Variants in ZHX2 observed in about 807,000 individuals in gnomAD.
ZHX2 encodes zinc fingers and homeoboxes 2.
ZHX2 carries 6 observed loss-of-function variants against 21.9 expected under a neutral mutation model. The observed-to-expected ratio is 0.27, with a 90% CI of 0.15 to 0.54. The LOEUF (loss-of-function observed/expected upper bound fraction) is 0.54, where lower values mean the gene tolerates loss of function less well. Ranked by LOEUF, ZHX2 falls within the 20% of genes least tolerant of loss-of-function variation. The pLI, the probability that ZHX2 is intolerant of heterozygous loss-of-function variation, is 0.95. For synonymous variants in ZHX2, 434 were observed against 437.1 expected (o/e 0.99, Z 0.09); for missense variants, 908 against 1,090.7 (o/e 0.83, Z 2.36).
intron 1 of ZHX2, among the ~76,000 whole-genome samples, chr8:122,855,612 C>T (rs547671840): frequency 2.0e-5 from 3 of 152,054 alleles, no homozygotes; most frequent in African/African-American, 7.2e-5. Flanking sequence ...AGAGTTTTTC[C>T]AGCTATGAGT....
chr8:122,899,712 C>T (rs1362194672), intron 2 of ZHX2, among the ~76,000 whole-genome samples: 1 of 152,186 alleles, frequency 6.6e-6, no homozygotes, highest in Non-Finnish European at 1.5e-5. Flanking sequence ...ATCTCACTTG[C>T]TGATCTCCTG....
intron 2 of ZHX2, among the ~76,000 whole-genome samples, chr8:122,906,561 G>A (rs1820350611): frequency 6.6e-6 from 1 of 151,868 alleles, no homozygotes; most frequent in African/African-American, 2.4e-5. Flanking sequence ...CATGGGAAAA[G>A]CTTATACATT....
intron 2 of ZHX2, among the ~76,000 whole-genome samples, chr8:122,915,253 G>A (rs1191915759): frequency 6.6e-6 from 1 of 152,150 alleles, no homozygotes; most frequent in Non-Finnish European, 1.5e-5. Context: ...TTTACCATGT[G>A]GATGCCTTCC....
In ZHX2 at chr8:122,926,162, A is replaced by T. The variant is rs1019350413; in HGVS notation, c.-219-25130A>T. ...CTCCCTGGAACTGTCCAATAGCTTTAAAAATATATATAAATGCCTGGGCCC... is the reference window on the plus strand; with the variant it reads ...CTCCCTGGAACTGTCCAATAGCTTTTAAAATATATATAAATGCCTGGGCCC... On this transcript the variant is annotated intron_variant, in intron 2 of 3. Transcript: ENST00000314393. 4.6e-5 allele frequency among the ~76,000 whole-genome samples: 7 copies of T among 152,330 alleles called. No homozygotes were observed. The East Asian group carries it at 1.3e-3, about 29-fold the overall frequency.
intron 1 of ZHX2, among the ~76,000 whole-genome samples, chr8:122,855,765 G>C (rs2130755273): frequency 6.6e-6 from 1 of 152,112 alleles, no homozygotes; most frequent in Admixed American, 6.5e-5. Context: ...TTTAATAAAG[G>C]GTTTGAAACA....
At chr8:122,936,831 C>T (rs1032738045) in intron 2 of ZHX2, among the ~76,000 whole-genome samples, 4 of 152,148 alleles carry the variant, frequency 2.6e-5, no homozygotes, top group Non-Finnish European at 4.4e-5. Flanking sequence ...TATCCAGTGC[C>T]CTCAGCAACT....
At chr8:122,813,483 A>G in intron 1 of ZHX2, among the ~76,000 whole-genome samples, 1 of 152,204 alleles carries the variant, frequency 6.6e-6, no homozygotes, top group Non-Finnish European at 1.5e-5. Flanking sequence ...CTCCCATGAA[A>G]GAAGTCGCCA....
Position 122,953,911 on chromosome 8 carries a change from G to A in ZHX2, c.2401G>A (p.Glu801Lys). 1 of 1,614,220 alleles carries A rather than the reference G, an allele frequency of 6.2e-7. No homozygotes were observed. The highest frequency in any genetic ancestry group is 8.5e-7 in the Non-Finnish European group (1 of 1,180,038). Residue 801 changes from glutamate (E) to lysine (K), a missense_variant, in exon 3 of 4, where the codon GAG becomes AAG. By Grantham distance (56) the Glu-to-Lys change is moderately conservative (BLOSUM62 1). Transcript: ENST00000314393. This position sits in a 1 kb window ranked among gnomAD's most constrained non-coding sequence, Gnocchi z 4.6. ...TTACGTGGAGGTGACGGTCGGGGAG[G>A]AGGATGCGATCTCAGATAGATCAGA... ...VDYVEVTVGE[E>K]DAISDRSDSW...
chr8:122,871,671 G>GTATATA lies in ZHX2; in HGVS notation c.-220+8145_-220+8150dup, dbSNP rs374444747. 2.2e-3 allele frequency among the ~76,000 whole-genome samples: 275 copies of GTATATA among 125,470 alleles called. 3 individuals carry two copies. Among genetic ancestry groups the GTATATA allele is most frequent in the African/African-American group, 7.5e-3 (253 of 33,586 alleles). The allele number at this position is 125,470 out of a possible 152,430, so 82.3% of individuals were successfully genotyped here. On this transcript the variant is annotated intron_variant, in intron 2 of 3. Coordinates refer to ENST00000314393, the MANE Select transcript of ZHX2 (RefSeq NM_014943.5). ...GTGCACATGTACCCTAGAACTTAAA[G>GTATATA]TATATATATATATATATAAACCCTT... is the stretch of plus-strand genomic sequence containing the variant.
At chr8:122,853,598 G>C (rs918654171) in intron 1 of ZHX2, among the ~76,000 whole-genome samples, 2 of 152,110 alleles carry the variant, frequency 1.3e-5, no homozygotes, top group South Asian at 2.1e-4. Context: ...GCTCAGCCAG[G>C]CTGCTCCTTT....
intron 2 of ZHX2, among the ~76,000 whole-genome samples, chr8:122,938,682 A>C (rs1812766242): frequency 6.6e-6 from 1 of 152,004 alleles, no homozygotes; most frequent in Non-Finnish European, 1.5e-5. Context: ...ACTAAAATAC[A>C]AAAAAAGTAG....
intron 3 of ZHX2, among the ~76,000 whole-genome samples, chr8:122,955,132 G>T (rs2130306540): frequency 6.7e-6 from 1 of 149,842 alleles, no homozygotes; most frequent in Non-Finnish European, 1.5e-5. Flanking sequence ...CCCCATAATG[G>T]GACATGCCAC....
intron 2 of ZHX2, among the ~76,000 whole-genome samples, chr8:122,948,936 A>G (rs1013455485): frequency 1.3e-5 from 2 of 152,266 alleles, no homozygotes; most frequent in African/African-American, 2.4e-5. Flanking sequence ...ACAATGAAAG[A>G]GGCTACAAGA....
intron 1 of ZHX2, among the ~76,000 whole-genome samples, chr8:122,806,283 G>A (rs1817821830): frequency 1.3e-5 from 2 of 152,160 alleles, no homozygotes; most frequent in Admixed American, 6.5e-5. Flanking sequence ...TCTATCTGTA[G>A]AAATGGACCC....
intron 3 of ZHX2, 84 bp downstream of exon 3, chr8:122,954,112 T>C (rs1257320532): frequency 7.9e-7 from 1 of 1,263,538 alleles, no homozygotes; most frequent in Non-Finnish European, 1.1e-6. Context: ...GATTGTAGGG[T>C]ACAGAGATGT....
At chr8:122,852,842 G>A (rs543556541) in intron 1 of ZHX2, among the ~76,000 whole-genome samples, 32 of 152,120 alleles carry the variant, frequency 2.1e-4, no homozygotes, top group African/African-American at 6.3e-4. Flanking sequence ...TTCTTGCCTC[G>A]GTGGTTTGTA....
intron 2 of ZHX2, among the ~76,000 whole-genome samples, chr8:122,947,829 G>A (rs879258402): frequency 3.9e-5 from 6 of 151,958 alleles, no homozygotes; most frequent in Admixed American, 6.6e-5. Context: ...GAGGGGAGCC[G>A]GGGCCGGAGC....
At chr8:122,968,468 T>C (rs75671769) in intron 3 of ZHX2, among the ~76,000 whole-genome samples, 7 of 152,100 alleles carry the variant, frequency 4.6e-5, no homozygotes, top group Non-Finnish European at 7.4e-5. Flanking sequence ...CCAACACATT[T>C]CCCCTTTTTA....
intron 2 of ZHX2, among the ~76,000 whole-genome samples, chr8:122,944,899 G>A (rs999850641): frequency 1.3e-5 from 2 of 152,150 alleles, no homozygotes; most frequent in Non-Finnish European, 2.9e-5. Context: ...TAACTCCAAG[G>A]TTACATGAGG....
Sources: gnomAD v4.1 joint callset for allele counts (sites outside exome capture counted in the v4.1 genomes callset) on GRCh38, gnomAD v4.1.1 for gene constraint, Gnocchi (gnomAD v3.1) non-coding constraint, MANE v1.5 for transcripts, NCBI Gene and HGNC (gene_info 2026-07-23, HGNC 2026-07-21) for gene names.